Variants in AGBL2 observed in about 807,000 individuals in gnomAD.
The protein encoded by AGBL2 is AGBL carboxypeptidase 2.
A neutral mutation model predicts 103.0 loss-of-function variants in AGBL2; 87 were observed. The ratio of observed to expected loss-of-function variants is 0.84; its 90% CI spans 0.71 to 1.01. AGBL2 has a LOEUF of 1.01. Ranked by LOEUF, AGBL2 falls within the 50% of genes least tolerant of loss-of-function variation. The pLI, the probability that AGBL2 is intolerant of heterozygous loss-of-function variation, is 0.00. For synonymous variants in AGBL2, 335 were observed against 356.7 expected (o/e 0.94, Z 0.69); for missense variants, 904 against 1,023.5 (o/e 0.88, Z 1.59).
At chr11:47,679,617 A>G (rs979724225) in intron 13 of AGBL2, among the ~76,000 whole-genome samples, 4 of 151,844 alleles carry the variant, frequency 2.6e-5, no homozygotes, top group Non-Finnish European at 4.4e-5. Context: ...CTTTGGACCC[A>G]TGTGAAACTG....
chr11:47,714,467 C>A (rs1256841986), intron 2 of AGBL2, 120 bp from the exon 3 acceptor site: 3 of 1,313,760 alleles, frequency 2.3e-6, no homozygotes, highest in Non-Finnish European at 3.3e-6. Flanking sequence ...GCATTCCATG[C>A]GAATTATTCT....
Position 47,685,938 on chromosome 11 carries a change from A to G in AGBL2, c.1743T>C (p.His581=), listed in dbSNP as rs2097421845. 1.2e-6 allele frequency: 2 copies of G among 1,614,020 alleles called. No homozygotes were observed. Among genetic ancestry groups the G allele is most frequent in the Non-Finnish European group, 1.7e-6 (2 of 1,180,018 alleles). ...ATAACATTAAAGGAAAGACTCGTTCATGAAGCCAGTATTTGCGATTGTTGT... is the reference window on the plus strand; with the variant it reads ...ATAACATTAAAGGAAAGACTCGTTCGTGAAGCCAGTATTTGCGATTGTTGT... ...CNNNNRKYWL[H]ERVFPLMLCK... The change falls in exon 11 of 19, where the codon CAT becomes CAC. Residue 581 remains histidine, a synonymous_variant. Transcript: ENST00000525123.
chr11:47,711,047 TACCC>T, intron 3 of AGBL2: 1 of 315,704 alleles, frequency 3.2e-6, no homozygotes. Context: ...CCTGCACATG[TACCC>T]TCTAATCTAT....
At chr11:47,682,780 A>G (rs564159926) in intron 11 of AGBL2, among the ~76,000 whole-genome samples, 2 of 152,150 alleles carry the variant, frequency 1.3e-5, no homozygotes, top group Non-Finnish European at 2.9e-5. Flanking sequence ...AAGATTTTGC[A>G]GTTGGAAAGT....
chr11:47,670,789 T>A (rs2097355055), intron 14 of AGBL2, among the ~76,000 whole-genome samples: 1 of 151,120 alleles, frequency 6.6e-6, no homozygotes, highest in African/African-American at 2.4e-5. Context: ...AGCCCAGGAG[T>A]TTGAGACCAG....
chr11:47,690,537 G>A lies in AGBL2; in HGVS notation c.1170C>T (p.Cys390=). ...TATATGGGTAGAAGTGTGCAAAGAA[G>A]CAAGTGTCCTGGTCATATGGAAACT... ...TIQFPYDQDT[C]FFAHFYPYTY... The change falls in exon 10 of 19, where the codon TGC becomes TGT. Residue 390 remains cysteine, a synonymous_variant. Coordinates refer to ENST00000525123, the MANE Select transcript of AGBL2 (RefSeq NM_024783.4). The A allele has an allele frequency of 6.2e-7, 1 of 1,614,196 alleles. No homozygotes were observed. Among genetic ancestry groups the A allele is most frequent in the Non-Finnish European group, 8.5e-7 (1 of 1,180,034 alleles).
rs1010936761 is a variant in AGBL2 at position 47,677,261 on chromosome 11, T to C, written c.2147+10A>G. On this transcript the variant is annotated intron_variant, in intron 14 of 18. Coordinates refer to ENST00000525123, the MANE Select transcript of AGBL2 (RefSeq NM_024783.4). ...TAAAAAAAAACAAAACTCTGTTTTT[T>C]CTTTGTTACCTGGATTCAATGTCAG... The C allele has an allele frequency of 1.3e-6, 2 of 1,584,498 alleles. No homozygotes were observed. The highest frequency in any genetic ancestry group is 2.3e-5 in the East Asian group (1 of 44,402).
Position 47,714,309 on chromosome 11 carries a change from G to A in AGBL2, c.72C>T (p.His24=). 1 of 1,612,312 alleles carries A rather than the reference G, an allele frequency of 6.2e-7. No homozygotes were observed. The part of the protein sequence containing the change: ...PDPYEDFMYR[H]LQYYGYFKAQ... ...CTTTAAAGTAGCCATAATATTGGAG[G>A]TGACGGTACATAAAGTCTTCATAAG... Residue 24 remains histidine (H), a synonymous_variant, in exon 3 of 19, where the codon CAC becomes CAT. Transcript: ENST00000525123.
intron 8 of AGBL2, among the ~76,000 whole-genome samples, chr11:47,696,494 C>A (rs1403376812): frequency 6.6e-6 from 1 of 152,060 alleles, no homozygotes; most frequent in Non-Finnish European, 1.5e-5. Flanking sequence ...AAACTCAAGA[C>A]CTCAGCTGAT....
chr11:47,697,430 G>A (rs1212163739), intron 8 of AGBL2, among the ~76,000 whole-genome samples: 1 of 151,862 alleles, frequency 6.6e-6, no homozygotes, highest in East Asian at 1.9e-4. Context: ...AGTAGAGATG[G>A]GGTTTCACCA....
chr11:47,705,746 A>G, intron 5 of AGBL2, 112 bp from the exon 6 acceptor site: 1 of 894,292 alleles, frequency 1.1e-6, no homozygotes, highest in Non-Finnish European at 1.9e-6. Context: ...TTCAGTGCTC[A>G]TCAGGCATGA....
At chr11:47,710,543 G>A (rs773115301) in intron 3 of AGBL2, 32 bp from the exon 4 acceptor site, 2 of 1,611,882 alleles carry the variant, frequency 1.2e-6, no homozygotes, top group African/African-American at 2.7e-5. Context: ...AAAGTTGCTG[G>A]AAGGCCGACT....
rs2097543933 is a variant in AGBL2 at position 47,714,308 on chromosome 11, G to T, written c.73C>A (p.Leu25Ile). 6.2e-7 allele frequency: 1 copy of T among 1,612,360 alleles called. No individual in the cohort carries two copies. Among genetic ancestry groups the T allele is most frequent in the African/African-American group, 1.3e-5 (1 of 74,592 alleles). ...CCTTTAAAGTAGCCATAATATTGGA[G>T]GTGACGGTACATAAAGTCTTCATAA... is the stretch of plus-strand genomic sequence containing the variant. ...DPYEDFMYRH[L>I]QYYGYFKAQR... The change falls in exon 3 of 19, where the codon CTC becomes ATC. Residue 25 changes from leucine to isoleucine, a missense_variant. Coordinates refer to ENST00000525123, the MANE Select transcript of AGBL2 (RefSeq NM_024783.4).
chr11:47,707,964 G>A (rs1453984687), intron 4 of AGBL2, among the ~76,000 whole-genome samples: 1 of 152,010 alleles, frequency 6.6e-6, no homozygotes, highest in East Asian at 1.9e-4. Context: ...ATGTTGCCCA[G>A]GCTGGACTCA....
Position 47,682,701 on chromosome 11 carries a change from C to T in AGBL2, c.1789-606G>A, listed in dbSNP as rs2097405991. On this transcript the variant is annotated intron_variant, in intron 11 of 18. Coordinates refer to ENST00000525123, the MANE Select transcript of AGBL2 (RefSeq NM_024783.4). ...TCCCTTATCTTTTATGACCCCTCAG[C>T]CCTTGTGTGTCACTTGGAGTTTGTA... Among the ~76,000 whole-genome samples the T allele has an allele frequency of 2.0e-5, 3 of 152,166 alleles. No homozygotes were observed. In the South Asian group the frequency reaches 6.2e-4, roughly 32 times the overall value.
At chr11:47,706,524 A>T (rs542452173) in intron 4 of AGBL2, among the ~76,000 whole-genome samples, 1 of 152,168 alleles carries the variant, frequency 6.6e-6, no homozygotes, top group Admixed American at 6.5e-5. Context: ...TCAAAAAAAA[A>T]ATAAATAAAA....
chr11:47,691,879 A>C (rs1382822583), intron 9 of AGBL2, among the ~76,000 whole-genome samples: 2 of 149,568 alleles, frequency 1.3e-5, no homozygotes, highest in Non-Finnish European at 3.0e-5. Context: ...TTACTAATAC[A>C]AATTTTAGGT....
At chr11:47,677,473 G>A (rs1305334379) in intron 13 of AGBL2, 72 bp from the exon 14 acceptor site, 1 of 1,001,574 alleles carries the variant, frequency 1.0e-6, no homozygotes, top group Non-Finnish European at 1.3e-6. Flanking sequence ...TTATTTTTGA[G>A]ACGGAGTTTG....
intron 11 of AGBL2, among the ~76,000 whole-genome samples, chr11:47,683,309 G>A (rs1279082088): frequency 6.6e-6 from 1 of 152,054 alleles, no homozygotes; most frequent in African/African-American, 2.4e-5. Context: ...GGAGGAGGAG[G>A]TTGCAGTGAG....
Sources: allele counts gnomAD v4.1 joint callset (sites outside exome capture counted in the v4.1 genomes callset), GRCh38; gene constraint gnomAD v4.1.1; transcripts MANE v1.5; gene names NCBI Gene and HGNC (gene_info 2026-07-23, HGNC 2026-07-21).